ERMP1: variants seen among roughly 807,000 people sequenced by gnomAD.
ERMP1 encodes endoplasmic reticulum metallopeptidase 1, also known as Felix-ina.
A neutral mutation model predicts 92.0 loss-of-function variants in ERMP1; 86 were observed. The observed-to-expected ratio is 0.93, with a 90% CI of 0.79 to 1.12. The LOEUF is 1.12. Ranked by LOEUF, ERMP1 falls within the 50% of genes most tolerant of loss-of-function variation. The pLI is 0.00. For missense variants in ERMP1, 1,342 were observed against 1,116.3 expected, an observed-to-expected ratio of 1.20 and a Z score of -2.88; for synonymous variants, 530 against 412.8, an observed-to-expected ratio of 1.28 and a Z score of -3.44.
chr9:5,795,274 C>T (rs1410549392), intron 13 of ERMP1, among the ~76,000 whole-genome samples: 1 of 152,110 alleles, frequency 6.6e-6, no homozygotes, highest in East Asian at 1.9e-4. Flanking sequence ...TACCAAAAAA[C>T]GTATAGCTAA....
At chr9:5,832,540 C>G (rs1171548260) in intron 1 of ERMP1, 150 bp downstream of exon 1, 2 of 574,442 alleles carry the variant, frequency 3.5e-6, no homozygotes, top group Non-Finnish European at 5.6e-6. Flanking sequence ...GAAGGACAAG[C>G]AAGGTCACCC....
At chr9:5,858,227 C>T (rs1255917957) in intron 6 of ERMP1, among the ~76,000 whole-genome samples, 1 of 151,998 alleles carries the variant, frequency 6.6e-6, no homozygotes, top group Non-Finnish European at 1.5e-5. Context: ...GCCTGGAACC[C>T]AGATTGGGGA....
chr9:5,829,140 G>A (rs574756481), intron 2 of ERMP1, among the ~76,000 whole-genome samples: 22 of 151,308 alleles, frequency 1.5e-4, no homozygotes, highest in African/African-American at 3.2e-4. Flanking sequence ...GCTTAAACCC[G>A]GGAGGCAGAG....
At chr9:5,834,132 T>C (rs1017291395), upstream of ERMP1, among the ~76,000 whole-genome samples, 1 of 152,214 alleles carries the variant, frequency 6.6e-6, no homozygotes, top group African/African-American at 2.4e-5. Context: ...ATGCTTCTTA[T>C]TTCCAGCTCT....
intron 5 of ERMP1, among the ~76,000 whole-genome samples, chr9:5,866,208 T>C (rs1830654975): frequency 6.6e-6 from 1 of 152,222 alleles, no homozygotes. Context: ...TTTCCATTGG[T>C]GTTGGGACTA....
chr9:5,835,203 A>G (rs946918962), upstream of ERMP1, among the ~76,000 whole-genome samples: 4 of 152,230 alleles, frequency 2.6e-5, no homozygotes, highest in African/African-American at 9.6e-5. Context: ...ATACTTGTAT[A>G]GTCTACGGTA....
chr9:5,813,044 A>C lies in ERMP1; in HGVS notation c.875-9T>G. 6.2e-7 allele frequency: 1 copy of C among 1,613,362 alleles called. No individual in the cohort carries two copies. The highest frequency in any genetic ancestry group is 8.5e-7 in the Non-Finnish European group (1 of 1,179,768). On this transcript the variant is annotated splice_polypyrimidine_tract_variant and intron_variant, in intron 4 of 14. Transcript: ENST00000339450. Reference sequence around the variant, plus strand: ...CCAAGGATTTTCAGGACCTAAAATGAAAGATGACAACACAATAGAAGGTAT... The same window carrying C: ...CCAAGGATTTTCAGGACCTAAAATGCAAGATGACAACACAATAGAAGGTAT...
At chr9:5,789,477 G>A (rs188040833) in intron 13 of ERMP1, among the ~76,000 whole-genome samples, 4 of 152,218 alleles carry the variant, frequency 2.6e-5, no homozygotes, top group Admixed American at 6.5e-5. Flanking sequence ...CAGCACTCAT[G>A]AGCCCTTCTT....
At chr9:5,813,166 C>A in intron 4 of ERMP1, 131 bp from the exon 5 acceptor site, 1 of 825,390 alleles carries the variant, frequency 1.2e-6, no homozygotes, top group Non-Finnish European at 1.9e-6. Flanking sequence ...ACCTTTTCAT[C>A]CCTTTTTCTG....
chr9:5,807,994 A>T (rs10975292), intron 8 of ERMP1, among the ~76,000 whole-genome samples: 53,193 of 151,326 alleles, frequency 0.35, 10,654 homozygotes, highest in East Asian at 0.75. Flanking sequence ...TGTTTTTTTT[A>T]AAAAAAAATA....
intron 11 of ERMP1, among the ~76,000 whole-genome samples, chr9:5,799,397 T>G (rs1828579339): frequency 6.6e-6 from 1 of 152,046 alleles, no homozygotes; most frequent in Admixed American, 6.6e-5. Context: ...CAGAGAAAAG[T>G]GGGAATTGCA....
rs1827962430 is a variant in ERMP1, at chr9:5,786,905, A to G, written c.*239T>C. 2 of 376,080 alleles carry G rather than the reference A, an allele frequency of 5.3e-6. No homozygotes were observed. Among genetic ancestry groups the G allele is most frequent in the Non-Finnish European group, 9.7e-6 (2 of 207,190 alleles). The allele number at this position is 376,080 out of a possible 1,614,324, so 23.3% of individuals were successfully genotyped here. On this transcript the variant is annotated 3_prime_UTR_variant, in exon 15 of 15. Coordinates refer to ENST00000339450, the MANE Select transcript of ERMP1 (RefSeq NM_024896.3). ...AAAATGACGTGTGTGTAGTGGCAGT[A>G]CCCACATGTGCTGAAGTGCCAAAAG...
chr9:5,835,350 A>ACG (rs57732063), upstream of ERMP1, among the ~76,000 whole-genome samples: 7 of 150,348 alleles, frequency 4.7e-5, no homozygotes, highest in African/African-American at 1.5e-4. Flanking sequence ...GAGACAATGA[A>ACG]CGCGCGCGCG....
intron 2 of ERMP1, among the ~76,000 whole-genome samples, chr9:5,828,824 G>C (rs868772381): frequency 1.3e-5 from 2 of 152,146 alleles, no homozygotes; most frequent in East Asian, 3.8e-4. Context: ...GCTAATTCTT[G>C]TATATACAGC....
chr9:5,815,484 A>G (rs1008635896), intron 4 of ERMP1, among the ~76,000 whole-genome samples: 1 of 141,162 alleles, frequency 7.1e-6, no homozygotes, highest in Admixed American at 7.4e-5. Context: ...TACATAAAGT[A>G]CTGAAATAAC....
In ERMP1 at chr9:5,817,977, G is replaced by A. The variant is rs554402992; in HGVS notation, c.875-4942C>T. 1.9e-3 allele frequency among the ~76,000 whole-genome samples: 284 copies of A among 152,156 alleles called. 4 individuals are homozygous for A. The highest frequency in any genetic ancestry group is 1.8e-3 in the Non-Finnish European group (123 of 68,036). On this transcript the variant is annotated intron_variant, in intron 4 of 14. Coordinates refer to ENST00000339450, the MANE Select transcript of ERMP1 (RefSeq NM_024896.3). Reference sequence around the variant, plus strand: ...CAATGTGACCTTTACAAGAATAGTCGTGGTGAAGTGGGGAGGCTAAAGCTG... The same window carrying A: ...CAATGTGACCTTTACAAGAATAGTCATGGTGAAGTGGGGAGGCTAAAGCTG...
intron 8 of ERMP1, among the ~76,000 whole-genome samples, chr9:5,808,174 T>C (rs1216866036): frequency 6.6e-6 from 1 of 152,190 alleles, no homozygotes; most frequent in Non-Finnish European, 1.5e-5. Flanking sequence ...TTAAAGAATA[T>C]TTGTGAAAAG....
intron 11 of ERMP1, among the ~76,000 whole-genome samples, chr9:5,799,754 T>C (rs1242003549): frequency 6.6e-6 from 1 of 152,226 alleles, no homozygotes; most frequent in Non-Finnish European, 1.5e-5. Context: ...TGCCAACTTC[T>C]GGCACAGTGG....
intron 6 of ERMP1, among the ~76,000 whole-genome samples, chr9:5,857,528 A>T (rs1830393539): frequency 6.6e-6 from 1 of 152,220 alleles, no homozygotes; most frequent in Non-Finnish European, 1.5e-5. Context: ...AGAATCTGCA[A>T]ATGATGAGCA....
Sources: gnomAD v4.1 joint callset for allele counts (sites outside exome capture counted in the v4.1 genomes callset) on GRCh38, gnomAD v4.1.1 for gene constraint, MANE v1.5 for transcripts, NCBI Gene and HGNC (gene_info 2026-07-23, HGNC 2026-07-21) for gene names.